Variants in MPZL1 observed in about 807,000 individuals in gnomAD.
The protein encoded by MPZL1 is myelin protein zero-like protein 1.
A neutral mutation model predicts 29.3 loss-of-function variants in MPZL1; 16 were observed. The observed-to-expected ratio is 0.55, with a 90% confidence interval of 0.37 to 0.83. The LOEUF (loss-of-function observed/expected upper bound fraction) is 0.83, where lower values mean the gene tolerates loss of function less well. Among genes scored for constraint, MPZL1 ranks in the 40% least tolerant of loss-of-function variants. MPZL1 has a pLI of 0.00. For missense variants in MPZL1, 279 were observed against 332.9 expected (o/e 0.84, Z 1.26); for synonymous variants, 143 against 132.0 (o/e 1.08, Z -0.57).
At chr1:167,738,676 G>A (rs1452972179) in intron 1 of MPZL1, among the ~76,000 whole-genome samples, 1 of 150,982 alleles carries the variant, frequency 6.6e-6, no homozygotes, top group Non-Finnish European at 1.5e-5. Flanking sequence ...GTGAGTTATT[G>A]CGAGATCTGG....
intron 1 of MPZL1, among the ~76,000 whole-genome samples, chr1:167,726,005 A>T (rs1290323537): frequency 6.6e-6 from 1 of 152,236 alleles, no homozygotes; most frequent in Non-Finnish European, 1.5e-5. Context: ...CTTCTTTTTT[A>T]AAATCCTTAA....
intron 5 of MPZL1, among the ~76,000 whole-genome samples, chr1:167,779,852 G>A (rs1661455450): frequency 1.3e-5 from 2 of 152,148 alleles, no homozygotes; most frequent in Admixed American, 1.3e-4. Flanking sequence ...TCTCCGAATG[G>A]CAATACTGAT....
chr1:167,780,357 A>G (rs934830335), intron 5 of MPZL1, among the ~76,000 whole-genome samples: 4 of 152,204 alleles, frequency 2.6e-5, no homozygotes, highest in Admixed American at 1.3e-4. Context: ...GCAATAAACC[A>G]CTTTAAATAA....
intron 1 of MPZL1, among the ~76,000 whole-genome samples, chr1:167,737,641 C>T (rs901907335): frequency 2.0e-5 from 3 of 152,170 alleles, no homozygotes; most frequent in African/African-American, 7.2e-5. Context: ...ACCTCAATGG[C>T]TCTGGCCATC....
chr1:167,722,409 G>C (rs1179486885), intron 1 of MPZL1, among the ~76,000 whole-genome samples, 167 bp downstream of exon 1: 1 of 152,204 alleles, frequency 6.6e-6, no homozygotes, highest in Non-Finnish European at 1.5e-5. Flanking sequence ...TGGGGAACGC[G>C]GGCCTCCGCG....
intron 1 of MPZL1, among the ~76,000 whole-genome samples, chr1:167,754,375 C>A (rs1440231682): frequency 6.6e-6 from 1 of 152,168 alleles, no homozygotes; most frequent in African/African-American, 2.4e-5. Flanking sequence ...CCATTAAAAT[C>A]ACAATAAAAA....
At chr1:167,753,705 C>T (rs1660806105) in intron 1 of MPZL1, among the ~76,000 whole-genome samples, 1 of 151,872 alleles carries the variant, frequency 6.6e-6, no homozygotes, top group Non-Finnish European at 1.5e-5. Context: ...TCTCGGCTCA[C>T]TGCAACCTCC....
intron 5 of MPZL1, among the ~76,000 whole-genome samples, chr1:167,781,440 A>G (rs1661495272): frequency 6.6e-6 from 1 of 152,160 alleles, no homozygotes; most frequent in Non-Finnish European, 1.5e-5. Context: ...AAATCAACAG[A>G]AAGATACCTG....
chr1:167,736,153 C>T (rs1476976547), intron 1 of MPZL1, among the ~76,000 whole-genome samples: 1 of 152,198 alleles, frequency 6.6e-6, no homozygotes, highest in Non-Finnish European at 1.5e-5. Flanking sequence ...GTTCTCATCT[C>T]TCTTCCCTGT....
At chr1:167,761,365 C>T (rs184793549) in intron 1 of MPZL1, among the ~76,000 whole-genome samples, 33 of 152,126 alleles carry the variant, frequency 2.2e-4, no homozygotes, top group African/African-American at 7.2e-4. Context: ...CAATAAATGT[C>T]CTTAGGTAGG....
intron 1 of MPZL1, among the ~76,000 whole-genome samples, chr1:167,733,741 C>CAA (rs760486650): frequency 0.016 from 2,116 of 133,188 alleles, 63 homozygotes; most frequent in African/African-American, 0.055. Flanking sequence ...GAGACTCTGT[C>CAA]AAAAAAAAAA....
Position 167,722,117 on chromosome 1 carries a change from G to A in MPZL1, c.-35G>A. The A allele has an allele frequency of 1.6e-6, 2 of 1,217,884 alleles. No individual in the cohort carries two copies. Among genetic ancestry groups the A allele is most frequent in the Non-Finnish European group, 2.0e-6 (2 of 977,602 alleles). The allele number at this position is 1,217,884 out of a possible 1,614,324, so 75.4% of individuals were successfully genotyped here. A position where few individuals can be genotyped will look rare whatever the true frequency, so the allele number is the denominator to read the frequency against. On this transcript the variant is annotated 5_prime_UTR_variant, in exon 1 of 6. Coordinates refer to ENST00000359523, the MANE Select transcript of MPZL1 (RefSeq NM_003953.6). ...TCAGCGGGGACCCGGGCTCAGGGAC[G>A]CGGCGGCGGCGGCGGCGACTGCAGT... is the stretch of plus-strand genomic sequence containing the variant.
At chr1:167,765,366 TA>T in intron 1 of MPZL1, 2 of 298,974 alleles carry the variant, frequency 6.7e-6, no homozygotes, top group Non-Finnish European at 1.2e-5. Flanking sequence ...ATATCTTAAC[TA>T]AAAAGCAATA....
intron 1 of MPZL1, among the ~76,000 whole-genome samples, chr1:167,763,408 C>T (rs77645967): frequency 0.16 from 24,607 of 150,754 alleles, 2,335 homozygotes; most frequent in East Asian, 0.35. Flanking sequence ...CCCAGCTACT[C>T]GGGAGGCTGA....
intron 1 of MPZL1, among the ~76,000 whole-genome samples, chr1:167,736,158 C>T (rs1394435154): frequency 6.6e-6 from 1 of 152,166 alleles, no homozygotes; most frequent in Admixed American, 6.5e-5. Context: ...CATCTCTCTT[C>T]CCTGTCTTCT....
intron 1 of MPZL1, among the ~76,000 whole-genome samples, chr1:167,726,454 A>G (rs1054233833): frequency 3.3e-5 from 5 of 152,208 alleles, no homozygotes; most frequent in South Asian, 2.1e-4. Context: ...CACAGTGGAT[A>G]TGGTAGATGC....
rs1661698470 is a variant in MPZL1, at chr1:167,790,904, T to A, written c.*2983T>A. 1 of 152,252 alleles carries A rather than the reference T, an allele frequency of 6.6e-6. No individual in the cohort carries two copies. The highest frequency in any genetic ancestry group is 2.4e-5 in the African/African-American group (1 of 41,458). The allele number at this position is 152,252 out of a possible 1,614,324, so 9.4% of individuals were successfully genotyped here. ...TATCATTCCAGCTACACCTGCCTTC[T>A]TTTCTTCAAAAATGCCGTCCGTGTG... is the stretch of plus-strand genomic sequence containing the variant. On this transcript the variant is annotated 3_prime_UTR_variant, in exon 6 of 6. Transcript: ENST00000359523.
chr1:167,732,303 C>A (rs1660288011), intron 1 of MPZL1, among the ~76,000 whole-genome samples: 1 of 152,160 alleles, frequency 6.6e-6, no homozygotes, highest in African/African-American at 2.4e-5. Flanking sequence ...AAAACTGCAT[C>A]TTTGGGAAGA....
rs577802049 is a variant in MPZL1 at position 167,722,559 on chromosome 1, C to G, written c.91+317C>G. Among the ~76,000 whole-genome samples, 6 of 152,316 alleles carry G rather than the reference C, an allele frequency of 3.9e-5. No homozygotes were observed. In the South Asian group the frequency reaches 1.2e-3, roughly 32 times the overall value. ...ACCCGGCGGGCGGCTGCGGTGAGCCCTCGCGGCGCACCCTGCCCTCTCCTC... is the reference window on the plus strand; with the variant it reads ...ACCCGGCGGGCGGCTGCGGTGAGCCGTCGCGGCGCACCCTGCCCTCTCCTC... On this transcript the variant is annotated intron_variant, in intron 1 of 5. Transcript: ENST00000359523.
Sources: allele counts gnomAD v4.1 joint callset (sites outside exome capture counted in the v4.1 genomes callset), GRCh38; gene constraint gnomAD v4.1.1; transcripts MANE v1.5; gene names NCBI Gene and HGNC (gene_info 2026-07-23, HGNC 2026-07-21).